The following ARMC2 variants were observed in gnomAD, a reference collection of about 807,000 sequenced individuals.
The protein encoded by ARMC2 is armadillo repeat-containing protein 2.
A neutral mutation model predicts 90.3 loss-of-function variants in ARMC2; 67 were observed. The observed-to-expected ratio is 0.74, with a 90% confidence interval of 0.61 to 0.91. ARMC2 has a LOEUF of 0.91. ARMC2 is among the 40% of genes least tolerant of loss of function. The probability of loss-of-function intolerance (pLI) is 0.00; values close to 1 mark genes in which losing one functional copy is unlikely to be tolerated. For missense variants in ARMC2, 920 were observed against 1,030.9 expected, an observed-to-expected ratio of 0.89 and a Z score of 1.47; for synonymous variants, 393 against 393.0, an observed-to-expected ratio of 1.00 and a Z score of 0.00.
At position 108,962,020 on chromosome 6, in the gene ARMC2, T is replaced by TA; in HGVS notation, c.2048dup (p.Leu684AlafsTer5). On this transcript the variant is annotated frameshift_variant, in exon 15 of 18. Transcript: ENST00000392644. LOFTEE classifies it high-confidence loss of function. ...CTCTGGTCGCCAAATCCAGTGCTCTTAAAGCTTCTTGTCAGTAACAACATG... is the reference window on the plus strand; with the variant it reads ...CTCTGGTCGCCAAATCCAGTGCTCTTAAAAGCTTCTTGTCAGTAACAACATG... 5.6e-6 allele frequency: 9 copies of TA among 1,608,412 alleles called. No individual in the cohort carries two copies. The highest frequency in any genetic ancestry group is 6.8e-6 in the Non-Finnish European group (8 of 1,177,966).
At chr6:108,980,815 CGGAGGT>C in the ARMC2 span, among the ~76,000 whole-genome samples, 5 of 152,092 alleles carry the variant, frequency 3.3e-5, no homozygotes, top group Non-Finnish European at 7.4e-5. Context: ...TCTTGAACCT[CGGAGGT>C]GGAGGTTGCA....
chr6:108,987,148 ATCT>A, the ARMC2 span: 1 of 159,624 alleles, frequency 6.3e-6, no homozygotes, highest in African/African-American at 2.4e-5. Flanking sequence ...CAGCACCAAG[ATCT>A]TCTAAAATTC....
chr6:108,908,950 A>T (rs1773107520), intron 8 of ARMC2, among the ~76,000 whole-genome samples: 1 of 152,298 alleles, frequency 6.6e-6, no homozygotes, highest in East Asian at 1.9e-4. Context: ...TGTGCCTGTA[A>T]TCCCAGCTAC....
intron 7 of ARMC2, among the ~76,000 whole-genome samples, chr6:108,903,695 C>A (rs930453166): frequency 2.0e-5 from 3 of 152,052 alleles, no homozygotes; most frequent in Admixed American, 6.6e-5. Flanking sequence ...CACACACATA[C>A]GTACATGAAA....
rs925945008 is a variant in ARMC2 at position 108,944,902 on chromosome 6, TTC to T, written c.1596+7905_1596+7906del. Among the ~76,000 whole-genome samples the T allele has an allele frequency of 5.3e-4, 81 of 152,106 alleles. 3 individuals are homozygous for T. Among genetic ancestry groups the T allele is most frequent in the Non-Finnish European group, 1.2e-4 (8 of 68,032 alleles). ...CTTCCGCAGGGAGAGCAAGGGAAAC[TTC>T]TTTGGCTCATATCTGTGTGGTTAAT... On this transcript the variant is annotated intron_variant, in intron 12 of 17. Coordinates refer to ENST00000392644, the MANE Select transcript of ARMC2 (RefSeq NM_032131.6).
chr6:108,988,725 T>G, the ARMC2 span: 1 of 1,505,920 alleles, frequency 6.6e-7, no homozygotes, highest in Non-Finnish European at 9.0e-7. Context: ...ATATTTTCAG[T>G]GTATAACCTG....
rs1220036274 is a variant in ARMC2, at chr6:108,928,223, A to T, written c.1486A>T (p.Arg496Ter). ...CAAGGACGTCTGTACCAATATTGCC[A>T]GAATATTCAGGTAGGTAGACTAAGA... Reference protein sequence around the residue: ...GDKDVCTNIARIFSKLTSYRD... With the variant: ...GDKDVCTNIA Residue 496 changes from arginine (R) to a stop codon, truncating the protein, a stop_gained, in exon 11 of 18, where the codon AGA becomes TGA. Transcript: ENST00000392644. LOFTEE classifies it high-confidence loss of function. The T allele has an allele frequency of 6.5e-7, 1 of 1,540,430 alleles. No individual in the cohort carries two copies. The highest frequency in any genetic ancestry group is 8.7e-7 in the Non-Finnish European group (1 of 1,144,320).
At chr6:108,934,380 A>C (rs1775803132) in intron 11 of ARMC2, among the ~76,000 whole-genome samples, 1 of 152,176 alleles carries the variant, frequency 6.6e-6, no homozygotes, top group African/African-American at 2.4e-5. Flanking sequence ...AAGCCATTAT[A>C]TATTGCTGGG....
At chr6:108,892,248 T>A (rs1771146682) in intron 5 of ARMC2, among the ~76,000 whole-genome samples, 1 of 152,218 alleles carries the variant, frequency 6.6e-6, no homozygotes, top group Non-Finnish European at 1.5e-5. Context: ...AAACTTGGTA[T>A]TTTACCTTTT....
At chr6:109,022,692 A>C in the ARMC2 span, among the ~76,000 whole-genome samples, 1 of 151,820 alleles carries the variant, frequency 6.6e-6, no homozygotes. Flanking sequence ...GGGATTACAG[A>C]CATGAAACAC....
intron 6 of ARMC2, among the ~76,000 whole-genome samples, chr6:108,896,912 CTT>C (rs1771665501): frequency 6.6e-6 from 1 of 152,176 alleles, no homozygotes; most frequent in Non-Finnish European, 1.5e-5. Flanking sequence ...ACTCGCCTGA[CTT>C]ATTTTCTGGC....
chr6:108,967,029 T>C (rs1470635708), intron 17 of ARMC2, among the ~76,000 whole-genome samples: 1 of 152,222 alleles, frequency 6.6e-6, no homozygotes, highest in Admixed American at 6.5e-5. Flanking sequence ...CCCTCAGCCG[T>C]GGGCGTCATG....
intron 2 of ARMC2, among the ~76,000 whole-genome samples, chr6:108,855,003 G>T (rs1774400429): frequency 1.3e-5 from 2 of 152,146 alleles, no homozygotes; most frequent in Admixed American, 1.3e-4. Context: ...CACCTTTTCA[G>T]ATTGGCTTCT....
intron 4 of ARMC2, among the ~76,000 whole-genome samples, chr6:108,874,618 A>G (rs568750697): frequency 1.3e-5 from 2 of 152,264 alleles, no homozygotes; most frequent in South Asian, 4.2e-4. Context: ...TCACTTTACT[A>G]GGCCACATCA....
the ARMC2 span, among the ~76,000 whole-genome samples, chr6:108,997,913 G>T: frequency 6.6e-6 from 1 of 152,060 alleles, no homozygotes; most frequent in Non-Finnish European, 1.5e-5. Context: ...TGTTTCAAAG[G>T]AGTAACAAAA....
At chr6:109,007,754 AG>A in the ARMC2 span, among the ~76,000 whole-genome samples, 3 of 150,518 alleles carry the variant, frequency 2.0e-5, no homozygotes, top group Admixed American at 1.3e-4. Flanking sequence ...TAATACTAAT[AG>A]GTAATTCAGA....
the ARMC2 span, among the ~76,000 whole-genome samples, chr6:109,000,873 C>T: frequency 6.6e-6 from 1 of 151,980 alleles, no homozygotes. Flanking sequence ...CAAGAACAAA[C>T]AAAATATCTG....
the ARMC2 span, among the ~76,000 whole-genome samples, chr6:108,984,639 G>GT: frequency 6.6e-6 from 1 of 152,122 alleles, no homozygotes; most frequent in African/African-American, 2.4e-5. Flanking sequence ...CCTTGGTTAG[G>GT]TTTATTCCTA....
chr6:108,917,862 G>A (rs987751998), intron 10 of ARMC2, among the ~76,000 whole-genome samples: 12 of 152,064 alleles, frequency 7.9e-5, no homozygotes, highest in Admixed American at 7.9e-4. Context: ...TAGGTCTCTA[G>A]TAGAGATGGG....
Sources: allele counts gnomAD v4.1 joint callset (sites outside exome capture counted in the v4.1 genomes callset), GRCh38; gene constraint gnomAD v4.1.1; transcripts MANE v1.5; gene names NCBI Gene and HGNC (gene_info 2026-07-23, HGNC 2026-07-21).